PTPN3: variants seen among roughly 807,000 people sequenced by gnomAD.
PTPN3 encodes the protein protein tyrosine phosphatase non-receptor type 3.
In PTPN3, 96 loss-of-function variants were observed where a neutral mutation model predicts 132.7. The observed-to-expected ratio is 0.72, with a 90% CI of 0.61 to 0.86. The LOEUF (loss-of-function observed/expected upper bound fraction) is 0.86, where lower values mean the gene tolerates loss of function less well. PTPN3 is among the 40% of genes least tolerant of loss of function. PTPN3 has a pLI of 0.00. For missense variants in PTPN3, 1,125 were observed against 1,159.6 expected, an observed-to-expected ratio of 0.97 and a Z score of 0.43; for synonymous variants, 398 against 429.0, an observed-to-expected ratio of 0.93 and a Z score of 0.89.
chr9:109,496,552 G>C (rs1032872487), intron 1 of PTPN3, among the ~76,000 whole-genome samples: 5 of 152,184 alleles, frequency 3.3e-5, no homozygotes, highest in African/African-American at 9.7e-5. Context: ...AGTCTCACAA[G>C]GGAGTTGTAA....
chr9:109,381,173 A>G lies in PTPN3; in HGVS notation c.2664+479T>C, dbSNP rs182346586. Reference sequence around the variant, plus strand: ...GCTTCACTGCCCCGCTTGCAGTTCCAGGGGAAATCCCCAAGAGTTATCCCC... The same window carrying G: ...GCTTCACTGCCCCGCTTGCAGTTCCGGGGGAAATCCCCAAGAGTTATCCCC... On this transcript the variant is annotated intron_variant, in intron 25 of 25. Coordinates refer to ENST00000374541, the MANE Select transcript of PTPN3 (RefSeq NM_002829.4). 2.6e-3 allele frequency among the ~76,000 whole-genome samples: 403 copies of G among 152,306 alleles called. 2 individuals carry two copies. The highest frequency in any genetic ancestry group is 4.4e-3 in the Non-Finnish European group (301 of 68,028).
At chr9:109,476,387 AAAAGT>A (rs1299567080) in intron 1 of PTPN3, among the ~76,000 whole-genome samples, 1 of 152,180 alleles carries the variant, frequency 6.6e-6, no homozygotes, top group African/African-American at 2.4e-5. Context: ...AAAAACAGTA[AAAAGT>A]AAACAAAAGG....
chr9:109,440,871 C>A (rs974771063), intron 7 of PTPN3, among the ~76,000 whole-genome samples: 1 of 152,182 alleles, frequency 6.6e-6, no homozygotes, highest in African/African-American at 2.4e-5. Flanking sequence ...TCCTAAGCGG[C>A]CACTCTGTGC....
chr9:109,383,283 T>C, intron 23 of PTPN3, 140 bp downstream of exon 23: 2 of 1,458,038 alleles, frequency 1.4e-6, no homozygotes, highest in Admixed American at 3.4e-5. Context: ...CCTGGCTCTT[T>C]GATGGGCAGT....
At chr9:109,447,484 G>A (rs1041724714) in intron 6 of PTPN3, among the ~76,000 whole-genome samples, 2 of 152,022 alleles carry the variant, frequency 1.3e-5, no homozygotes, top group African/African-American at 4.8e-5. Flanking sequence ...GCAGAAGCCT[G>A]AAGACCTGTA....
chr9:109,507,707 G>A, the PTPN3 span, among the ~76,000 whole-genome samples: 2 of 152,182 alleles, frequency 1.3e-5, no homozygotes, highest in Non-Finnish European at 2.9e-5. Context: ...AAGGCACATC[G>A]TCTTCACATA....
chr9:109,503,975 C>G, the PTPN3 span, among the ~76,000 whole-genome samples: 1 of 152,072 alleles, frequency 6.6e-6, no homozygotes, highest in Admixed American at 6.5e-5. Context: ...GTACAAGGAA[C>G]AATAAACATC....
intron 23 of PTPN3, chr9:109,383,217 A>T: frequency 1.3e-6 from 1 of 741,946 alleles, no homozygotes; most frequent in East Asian, 2.6e-5. Context: ...ATCGATGGAC[A>T]CTGGGCTGTT....
At chr9:109,408,789 AAAAAAAAATATATAT>A (rs1378061515) in intron 16 of PTPN3, among the ~76,000 whole-genome samples, 1 of 57,578 alleles carries the variant, frequency 1.7e-5, no homozygotes, top group Non-Finnish European at 3.6e-5. Context: ...ATTAAAAAAA[AAAAAAAAATATATAT>A]ATATATATAT....
At chr9:109,410,468 A>G in intron 14 of PTPN3, 53 bp from the exon 15 acceptor site, 1 of 1,569,378 alleles carries the variant, frequency 6.4e-7, no homozygotes, top group Non-Finnish European at 8.7e-7. Context: ...ATTTTATTAG[A>G]GCAAACACTA....
intron 7 of PTPN3, among the ~76,000 whole-genome samples, chr9:109,441,010 A>T (rs1421656962): frequency 6.6e-6 from 1 of 152,190 alleles, no homozygotes; most frequent in Admixed American, 6.5e-5. Context: ...CCTGTGATAT[A>T]GGCAATGCTT....
chr9:109,411,907 G>T (rs541525817), intron 14 of PTPN3, among the ~76,000 whole-genome samples: 1 of 152,294 alleles, frequency 6.6e-6, no homozygotes, highest in Admixed American at 6.5e-5. Flanking sequence ...GTTGGGGGTA[G>T]GGTGTTATGG....
At chr9:109,494,107 G>A (rs1406523224) in intron 1 of PTPN3, among the ~76,000 whole-genome samples, 2 of 152,212 alleles carry the variant, frequency 1.3e-5, no homozygotes, top group Non-Finnish European at 2.9e-5. Context: ...GGCTAGGTGA[G>A]GCCTGGCCCA....
At chr9:109,414,692 G>C (rs1842337740) in intron 14 of PTPN3, among the ~76,000 whole-genome samples, 1 of 152,170 alleles carries the variant, frequency 6.6e-6, no homozygotes, top group South Asian at 2.1e-4. Flanking sequence ...AACAGATCAT[G>C]AATCTGTCTA....
chr9:109,456,990 G>T, intron 4 of PTPN3, 183 bp downstream of exon 4: 1 of 639,698 alleles, frequency 1.6e-6, no homozygotes, highest in Non-Finnish European at 2.7e-6. Flanking sequence ...GATCCTAGAG[G>T]GCTGATCTGG....
intron 1 of PTPN3, among the ~76,000 whole-genome samples, chr9:109,477,597 G>A (rs1846743905): frequency 6.6e-6 from 1 of 152,378 alleles, no homozygotes; most frequent in Non-Finnish European, 1.5e-5. Flanking sequence ...CTGGACTGGA[G>A]TGTGTCACAT....
chr9:109,450,300 T>C, intron 5 of PTPN3: 1 of 985,456 alleles, frequency 1.0e-6, no homozygotes, highest in Non-Finnish European at 1.2e-6. Context: ...CAGTTCTTTC[T>C]AGTTTGTTTC....
Position 109,448,853 on chromosome 9 carries a change from T to G in PTPN3, c.371A>C (p.His124Pro). Residue 124 changes from histidine to proline, a missense_variant and splice_region_variant, in exon 6 of 26, where the codon CAC becomes CCC. By Grantham distance (77) the His-to-Pro change is moderately conservative (BLOSUM62 -2). Coordinates refer to ENST00000374541, the MANE Select transcript of PTPN3 (RefSeq NM_002829.4). ...PNTLQQEQTR[H>P]LYFLQLKMDI... ...CATCTTCAGTTGTAAGAAATACAAG[T>G]GCCTATGAAACAATTGTTTTCATTA... The G allele has an allele frequency of 1.3e-6, 2 of 1,591,232 alleles. No individual in the cohort carries two copies. The highest frequency in any genetic ancestry group is 1.7e-4 in the Middle Eastern group (1 of 5,908).
At chr9:109,456,991 G>A (rs1173148339) in intron 4 of PTPN3, 182 bp downstream of exon 4, 1 of 640,570 alleles carries the variant, frequency 1.6e-6, no homozygotes, top group Non-Finnish European at 2.7e-6. Context: ...ATCCTAGAGG[G>A]CTGATCTGGA....
Sources: gnomAD v4.1 joint callset for allele counts (sites outside exome capture counted in the v4.1 genomes callset) on GRCh38, gnomAD v4.1.1 for gene constraint, MANE v1.5 for transcripts, NCBI Gene and HGNC (gene_info 2026-07-23, HGNC 2026-07-21) for gene names.